The following KIAA1671 variants were observed in gnomAD, a reference collection of about 807,000 sequenced individuals.
KIAA1671 encodes the protein uncharacterized protein KIAA1671.
In KIAA1671, 52 loss-of-function variants were observed where a neutral mutation model predicts 131.2. The observed-to-expected ratio is 0.40, with a 90% CI of 0.32 to 0.50. KIAA1671 has a LOEUF of 0.50. Among genes scored for constraint, KIAA1671 ranks in the 20% least tolerant of loss-of-function variants. The probability of loss-of-function intolerance (pLI) is 0.73; values close to 1 mark genes in which losing one functional copy is unlikely to be tolerated. For synonymous variants in KIAA1671, 1,003 were observed against 961.6 expected, an observed-to-expected ratio of 1.04 and a Z score of -0.80; for missense variants, 2,360 against 2,364.2, an observed-to-expected ratio of 1.00 and a Z score of 0.04.
chr22:25,171,174 C>T (rs933497625), intron 7 of KIAA1671, among the ~76,000 whole-genome samples: 7 of 151,872 alleles, frequency 4.6e-5, no homozygotes, highest in Non-Finnish European at 8.8e-5. Context: ...CTGAGGCGGG[C>T]GGATTGCCTG....
chr22:25,117,270 C>G (rs1214156403), intron 6 of KIAA1671, among the ~76,000 whole-genome samples: 1 of 152,120 alleles, frequency 6.6e-6, no homozygotes, highest in Non-Finnish European at 1.5e-5. Flanking sequence ...ATCCATGAGC[C>G]TCTCCTGCTT....
chr22:25,032,684 A>T lies in KIAA1671; in HGVS notation c.1617A>T (p.Glu539Asp). Residue 539 changes from glutamate to aspartate, a missense_variant, in exon 4 of 13, where the codon GAA becomes GAT. Physicochemically the swap from Glu to Asp is conservative, Grantham distance 45. Coordinates refer to ENST00000358431, the MANE Select transcript of KIAA1671 (RefSeq NM_001145206.2). The part of the protein sequence containing the change: ...SAELSGEFPK[E>D]PREKQKEGHS... The stretch of plus-strand genomic sequence containing the variant: ...AGCTGAGCGGCGAGTTTCCTAAGGA[A>T]CCGAGAGAAAAGGTAAGGAGTGGCT... 6.5e-7 allele frequency: 1 copy of T among 1,545,150 alleles called. No individual in the cohort carries two copies. The highest frequency in any genetic ancestry group is 8.8e-7 in the Non-Finnish European group (1 of 1,141,724).
At chr22:25,173,322 G>A (rs964451348) in intron 7 of KIAA1671, among the ~76,000 whole-genome samples, 2 of 152,210 alleles carry the variant, frequency 1.3e-5, no homozygotes, top group Admixed American at 6.5e-5. Flanking sequence ...GATTGTGGCA[G>A]TTATAGGCTA....
intron 11 of KIAA1671, among the ~76,000 whole-genome samples, chr22:25,188,454 GT>G (rs1934552689): frequency 8.5e-6 from 1 of 118,196 alleles, no homozygotes; most frequent in Non-Finnish European, 1.5e-5. Flanking sequence ...TCGGGTGTGT[GT>G]GTGTGTGTGT....
Position 25,028,711 on chromosome 22 carries a change from C to T in KIAA1671, c.712C>T (p.Leu238=). The T allele has an allele frequency of 6.4e-7, 1 of 1,551,230 alleles. No individual in the cohort carries two copies. Among genetic ancestry groups the T allele is most frequent in the South Asian group, 1.2e-5 (1 of 84,066 alleles). ...ARPLVEPRPR[L]KRRPVSAIFT... ...CCCCCTTGTGGAGCCCAGGCCTCGC[C>T]TGAAGAGAAGGCCCGTGTCTGCCAT... The change falls in exon 3 of 13, where the codon CTG becomes TTG. Residue 238 remains leucine, a synonymous_variant. Coordinates refer to ENST00000358431, the MANE Select transcript of KIAA1671 (RefSeq NM_001145206.2).
chr22:25,151,769 T>C (rs1286914220), intron 6 of KIAA1671, among the ~76,000 whole-genome samples: 2 of 152,078 alleles, frequency 1.3e-5, no homozygotes, highest in Non-Finnish European at 2.9e-5. Flanking sequence ...AGACAGGTCT[T>C]GCTCTGTTGC....
intron 6 of KIAA1671, chr22:25,111,920 G>T (rs1375832901): frequency 3.5e-6 from 1 of 282,496 alleles, no homozygotes; most frequent in African/African-American, 2.2e-5. Flanking sequence ...TTATAACTCC[G>T]CTGGGGTGGA....
At chr22:24,981,089 T>TG (rs55654024) in intron 1 of KIAA1671, among the ~76,000 whole-genome samples, 43 of 141,308 alleles carry the variant, frequency 3.0e-4, no homozygotes, top group East Asian at 9.8e-4. Flanking sequence ...TGTGTGTGTG[T>TG]TTTTACTGTA....
intron 6 of KIAA1671, among the ~76,000 whole-genome samples, chr22:25,157,832 T>A (rs1265938669): frequency 6.6e-6 from 1 of 152,202 alleles, no homozygotes; most frequent in African/African-American, 2.4e-5. Flanking sequence ...TTTATTTTTT[T>A]TTTTATTCAG....
chr22:24,954,763 GTTTGT>G (rs563291109), intron 1 of KIAA1671, among the ~76,000 whole-genome samples: 6 of 151,988 alleles, frequency 3.9e-5, no homozygotes, highest in South Asian at 4.2e-4. Context: ...GCTTTTTTTC[GTTTGT>G]TTTGTTTTGT....
At chr22:24,990,585 G>A (rs1302021395) in intron 1 of KIAA1671, among the ~76,000 whole-genome samples, 2 of 152,254 alleles carry the variant, frequency 1.3e-5, no homozygotes, top group African/African-American at 4.8e-5. Context: ...TATGAGGTTT[G>A]GGCTGCAGAA....
Position 25,032,691 on chromosome 22 carries a change from GA to G in KIAA1671, c.1628del (p.Lys543SerfsTer123). ...LSGEFPKEPR[E>X]KQKEGHSLDG... ...CGGCGAGTTTCCTAAGGAACCGAGA[GA>G]AAAGGTAAGGAGTGGCTGTGTAGCA... On this transcript the variant is annotated frameshift_variant, in exon 4 of 13. Transcript: ENST00000358431. LOFTEE classifies it high-confidence loss of function. 6.5e-7 allele frequency: 1 copy of G among 1,543,642 alleles called. No homozygotes were observed. The highest frequency in any genetic ancestry group is 8.8e-7 in the Non-Finnish European group (1 of 1,140,396).
chr22:24,983,608 G>C (rs987214766), intron 1 of KIAA1671, among the ~76,000 whole-genome samples: 2 of 149,682 alleles, frequency 1.3e-5, no homozygotes, highest in African/African-American at 2.5e-5. Flanking sequence ...TGTGTATGGT[G>C]GGGGGGCGGG....
rs561797091 is a variant in KIAA1671 at position 25,190,883 on chromosome 22, C to G, written c.*4+99C>G. On this transcript the variant is annotated intron_variant, in intron 12 of 12. Transcript: ENST00000358431. ...GCTTCAGAGACTGGGGCTGTTGTAC[C>G]CAAGGAAAGAGGCTGTGTAAGGGGA... The G allele has an allele frequency of 3.8e-3, 3,121 of 819,400 alleles. 101 individuals are homozygous for G. The highest frequency in any genetic ancestry group is 5.7e-4 in the Non-Finnish European group (283 of 495,858). The allele number at this position is 819,400 out of a possible 1,614,324, so 50.8% of individuals were successfully genotyped here.
intron 10 of KIAA1671, among the ~76,000 whole-genome samples, chr22:25,182,832 G>A (rs536044604): frequency 5.0e-4 from 76 of 152,138 alleles, no homozygotes; most frequent in Non-Finnish European, 9.6e-4. Context: ...TGAGGAATCC[G>A]GTCTGCTGTG....
rs144307560 is a variant in KIAA1671, at chr22:25,153,536, C to T, written c.4531-17284C>T. Among the ~76,000 whole-genome samples the T allele has an allele frequency of 2.8e-3, 429 of 152,316 alleles. 3 individuals are homozygous for T. The highest frequency in any genetic ancestry group is 0.01 in the African/African-American group (417 of 41,556). The stretch of plus-strand genomic sequence containing the variant: ...TTGCCTTTCTAAAACCTGAAAAGTC[C>T]TGAGTTGGAAACATACCTGGCCCCT... On this transcript the variant is annotated intron_variant, in intron 6 of 12. Coordinates refer to ENST00000358431, the MANE Select transcript of KIAA1671 (RefSeq NM_001145206.2).
intron 6 of KIAA1671, among the ~76,000 whole-genome samples, chr22:25,123,593 A>G (rs924469801): frequency 6.6e-6 from 1 of 152,172 alleles, no homozygotes; most frequent in African/African-American, 2.4e-5. Flanking sequence ...ACCCTCAAGC[A>G]GCCCTGTAGA....
rs994174179 is a variant in KIAA1671, at chr22:25,194,619, C to T, written c.*2218C>T. The T allele has an allele frequency of 7.2e-5, 11 of 152,158 alleles. No homozygotes were observed. The highest frequency in any genetic ancestry group is 2.7e-4 in the African/African-American group (11 of 41,442). The allele number at this position is 152,158 out of a possible 1,614,324, so 9.4% of individuals were successfully genotyped here. ...GACCTGGAGATTTTTTTTCCCTAAT[C>T]TCTCATACCTTAATTGGAAAAATAA... On this transcript the variant is annotated 3_prime_UTR_variant, in exon 13 of 13. Coordinates refer to ENST00000358431, the MANE Select transcript of KIAA1671 (RefSeq NM_001145206.2).
At chr22:24,969,176 C>T (rs1405978291) in intron 1 of KIAA1671, among the ~76,000 whole-genome samples, 1 of 152,224 alleles carries the variant, frequency 6.6e-6, no homozygotes, top group East Asian at 1.9e-4. Flanking sequence ...GCTGGCACTA[C>T]AGGTGTGAGC....
Sources: allele counts gnomAD v4.1 joint callset (sites outside exome capture counted in the v4.1 genomes callset), GRCh38; gene constraint gnomAD v4.1.1; transcripts MANE v1.5; gene names NCBI Gene and HGNC (gene_info 2026-07-23, HGNC 2026-07-21).